Variants in ZNF131 observed in about 807,000 individuals in gnomAD.
The protein encoded by ZNF131 is zinc finger protein 131.
ZNF131 carries 7 observed loss-of-function variants against 60.0 expected under a neutral mutation model. The observed-to-expected ratio is 0.12, with a 90% confidence interval of 0.07 to 0.22. The LOEUF (loss-of-function observed/expected upper bound fraction) is 0.22, where lower values mean the gene tolerates loss of function less well. Ranked by LOEUF, ZNF131 falls within the 10% of genes least tolerant of loss-of-function variation. ZNF131 has a pLI of 1.00. For synonymous variants in ZNF131, 257 were observed against 253.2 expected (o/e 1.01, Z -0.14); for missense variants, 493 against 740.9 (o/e 0.67, Z 3.88).
intron 4 of ZNF131, among the ~76,000 whole-genome samples, chr5:43,139,808 A>G (rs557162247): frequency 3.3e-4 from 51 of 152,358 alleles, no homozygotes; most frequent in African/African-American, 1.2e-3. Context: ...AAGTGCACCT[A>G]GTTCAAAGAA....
chr5:43,129,821 C>T (rs1745066251), intron 3 of ZNF131, among the ~76,000 whole-genome samples: 1 of 151,984 alleles, frequency 6.6e-6, no homozygotes, highest in African/African-American at 2.4e-5. Flanking sequence ...CGCCCGGCTA[C>T]TTTTTGTATT....
rs372590417 is a variant in ZNF131 at position 43,125,362 on chromosome 5, G to A, written c.226+2052G>A. Among the ~76,000 whole-genome samples the A allele has an allele frequency of 2.7e-3, 408 of 151,642 alleles. 1 individual carries two copies. The highest frequency in any genetic ancestry group is 0.014 in the Middle Eastern group (4 of 294). ...GTTACCCAGGCTGGAGTGCAATGGC[G>A]TGATCAGGCTGGTCTCGAATTCCCC... On this transcript the variant is annotated intron_variant, in intron 3 of 6. Coordinates refer to ENST00000682664, the MANE Select transcript of ZNF131 (RefSeq NM_001330707.2).
At chr5:43,138,118 G>C (rs958283973) in intron 3 of ZNF131, among the ~76,000 whole-genome samples, 4 of 152,120 alleles carry the variant, frequency 2.6e-5, no homozygotes, top group Admixed American at 2.6e-4. Context: ...CTAATCAGTG[G>C]GCATAAAGTT....
At chr5:43,172,898 G>A (rs1406143018) in intron 5 of ZNF131, among the ~76,000 whole-genome samples, 1 of 152,006 alleles carries the variant, frequency 6.6e-6, no homozygotes, top group African/African-American at 2.4e-5. Flanking sequence ...GAAGTTTTTT[G>A]CAAAGAAGGA....
intron 5 of ZNF131, among the ~76,000 whole-genome samples, chr5:43,172,944 G>A (rs1751186646): frequency 6.6e-6 from 1 of 152,076 alleles, no homozygotes; most frequent in Non-Finnish European, 1.5e-5. Context: ...CTAGCACATG[G>A]TCTAGCACAT....
chr5:43,159,600 C>A (rs1038262379), intron 4 of ZNF131, among the ~76,000 whole-genome samples: 1 of 149,280 alleles, frequency 6.7e-6, no homozygotes, highest in African/African-American at 2.5e-5. Context: ...GAGGCTGAGG[C>A]AGGAGAATCA....
intron 5 of ZNF131, among the ~76,000 whole-genome samples, chr5:43,172,327 A>T (rs1484980555): frequency 6.6e-6 from 1 of 152,142 alleles, no homozygotes; most frequent in African/African-American, 2.4e-5. Context: ...ACTATCACTT[A>T]ACCCCTAATT....
intron 5 of ZNF131, among the ~76,000 whole-genome samples, chr5:43,169,625 A>G (rs559130181): frequency 2.1e-4 from 32 of 152,298 alleles, no homozygotes; most frequent in Non-Finnish European, 3.4e-4. Flanking sequence ...CAGTATTTTA[A>G]TCTATGGGTA....
In ZNF131 at chr5:43,140,475, A is replaced by G. The variant is rs534608513; in HGVS notation, c.371+1166A>G. Among the ~76,000 whole-genome samples, 94 of 152,318 alleles carry G rather than the reference A, an allele frequency of 6.2e-4. 1 individual carries two copies. Among genetic ancestry groups the G allele is most frequent in the African/African-American group, 2.1e-3 (87 of 41,560 alleles). On this transcript the variant is annotated intron_variant, in intron 4 of 6. Transcript: ENST00000682664. ...CATGGGATTTGATTGTGAGGGTTGA[A>G]TGAATTAATGCATGCAAAGTGTTTA...
chr5:43,162,357 C>T (rs897106801), intron 5 of ZNF131, among the ~76,000 whole-genome samples: 34 of 151,602 alleles, frequency 2.2e-4, no homozygotes, highest in African/African-American at 8.0e-4. Context: ...TTTGGGAGGC[C>T]GAGGCAGGCG....
intron 4 of ZNF131, among the ~76,000 whole-genome samples, chr5:43,154,263 C>T (rs186362382): frequency 1.3e-5 from 2 of 151,996 alleles, no homozygotes. Flanking sequence ...AATACAAAAA[C>T]GTTAGCCAGG....
intron 2 of ZNF131, 29 bp downstream of exon 2, chr5:43,122,206 A>G: frequency 6.4e-7 from 1 of 1,559,032 alleles, no homozygotes; most frequent in Non-Finnish European, 8.6e-7. Context: ...AGAGGAGCGA[A>G]TTTTTGGCTT....
intron 5 of ZNF131, among the ~76,000 whole-genome samples, chr5:43,168,384 A>T (rs563510295): frequency 6.6e-6 from 1 of 152,284 alleles, no homozygotes; most frequent in South Asian, 2.1e-4. Context: ...AGAGGAAACA[A>T]ATTGTTTGGA....
At chr5:43,121,809 C>T (rs946045073) in intron 1 of ZNF131, 8 of 342,378 alleles carry the variant, frequency 2.3e-5, no homozygotes, top group Admixed American at 9.7e-5. Flanking sequence ...CTCTAGCTCG[C>T]GTCTCCCGAC....
intron 4 of ZNF131, among the ~76,000 whole-genome samples, chr5:43,153,295 C>T (rs1160185148): frequency 6.6e-6 from 1 of 151,788 alleles, no homozygotes; most frequent in African/African-American, 2.4e-5. Context: ...CAGGCTATTC[C>T]AGGATTATTG....
chr5:43,133,390 G>T (rs1161366670), intron 3 of ZNF131, among the ~76,000 whole-genome samples: 2 of 152,138 alleles, frequency 1.3e-5, no homozygotes, highest in Non-Finnish European at 2.9e-5. Flanking sequence ...GTTTCGATCT[G>T]GGGAGGCGGA....
At chr5:43,134,021 A>G (rs1301924709) in intron 3 of ZNF131, among the ~76,000 whole-genome samples, 2 of 152,194 alleles carry the variant, frequency 1.3e-5, no homozygotes, top group African/African-American at 2.4e-5. Context: ...AATATTTCCA[A>G]ATTCATTAGT....
chr5:43,144,211 G>A (rs1049449435), intron 4 of ZNF131, among the ~76,000 whole-genome samples: 4 of 145,854 alleles, frequency 2.7e-5, no homozygotes, highest in Admixed American at 6.9e-5. Flanking sequence ...CGTGAGCCAC[G>A]GCGCCTGGCC....
At chr5:43,144,343 C>T (rs537780567) in intron 4 of ZNF131, among the ~76,000 whole-genome samples, 3 of 146,976 alleles carry the variant, frequency 2.0e-5, no homozygotes, top group East Asian at 4.2e-4. Flanking sequence ...ATTCTCCTGC[C>T]TCAGCCTCCT....
Sources: gnomAD v4.1 joint callset for allele counts (sites outside exome capture counted in the v4.1 genomes callset) on GRCh38, gnomAD v4.1.1 for gene constraint, MANE v1.5 for transcripts, NCBI Gene and HGNC (gene_info 2026-07-23, HGNC 2026-07-21) for gene names.